Variants in OTOA observed in about 807,000 individuals in gnomAD.
The protein encoded by OTOA is otoancorin.
Under a neutral mutation model 110.8 loss-of-function variants are expected in OTOA, and 70 were observed. The observed-to-expected ratio is 0.63, with a 90% CI of 0.52 to 0.77. The LOEUF (loss-of-function observed/expected upper bound fraction) is 0.77, where lower values mean the gene tolerates loss of function less well. Among genes scored for constraint, OTOA ranks in the 30% least tolerant of loss-of-function variants. The pLI is 0.00. For missense variants in OTOA, 917 were observed against 1,075.8 expected (o/e 0.85, Z 2.06); for synonymous variants, 373 against 431.5 (o/e 0.86, Z 1.68).
Position 21,664,173 on chromosome 16 carries a change from CCCCGCCCTGCGCCACCCG to C in OTOA, c.-56_-39del, listed in dbSNP as rs1231164236. 1.3e-5 allele frequency: 2 copies of C among 152,340 alleles called. No individual in the cohort carries two copies. Among genetic ancestry groups the C allele is most frequent in the East Asian group, 3.9e-4 (2 of 5,182 alleles). 9.4% of individuals were successfully genotyped at this position (152,340 alleles called of 1,614,324 possible). ...CCCGCTCCCCGCATGAGCCCCGCGG[CCCCGCCCTGCGCCACCCG>C]CCCGCCCGTGGGACTCAGTGCGGCC... is the stretch of plus-strand genomic sequence containing the variant. On this transcript the variant is annotated 5_prime_UTR_variant, in exon 1 of 29. Coordinates refer to ENST00000646100, the MANE Select transcript of OTOA (RefSeq NM_144672.4).
At position 21,685,275 on chromosome 16, in the gene OTOA, A is replaced by T. The variant is rs1897691056; in HGVS notation, c.313A>T (p.Lys105Ter). The T allele has an allele frequency of 1.2e-6, 2 of 1,613,222 alleles. No homozygotes were observed. Among genetic ancestry groups the T allele is most frequent in the Non-Finnish European group, 1.7e-6 (2 of 1,179,418 alleles). The change falls in exon 7 of 29, where the codon AAG (lysine) becomes TAG (stop). Residue 105 changes from lysine to a stop codon, truncating the protein, a stop_gained. Coordinates refer to ENST00000646100, the MANE Select transcript of OTOA (RefSeq NM_144672.4). LOFTEE classifies it high-confidence loss of function. Reference sequence around the variant, plus strand: ...GGAGCAGCGTCTGCACCAGCCCCAGAAGCTGCTGGAGGACCTGAGGAAGAC... The same window carrying T: ...GGAGCAGCGTCTGCACCAGCCCCAGTAGCTGCTGGAGGACCTGAGGAAGAC... ...HLEQRLHQPQKLLEDLRKTDA... is the reference protein window; with the variant it reads ...HLEQRLHQPQ
At position 21,710,051 on chromosome 16, in the gene OTOA, G is replaced by A. The variant is rs1898309418; in HGVS notation, c.1268G>A (p.Trp423Ter). 2 of 1,613,908 alleles carry A rather than the reference G, an allele frequency of 1.2e-6. No individual in the cohort carries two copies. The highest frequency in any genetic ancestry group is 1.7e-6 in the Non-Finnish European group (2 of 1,179,972). The change falls in exon 13 of 29, where the codon TGG becomes TAG. Residue 423 changes from tryptophan to a stop codon, truncating the protein, a stop_gained. Coordinates refer to ENST00000646100, the MANE Select transcript of OTOA (RefSeq NM_144672.4). LOFTEE classifies it high-confidence loss of function. ...TCCACCCTCAACCAGGTCTCAGGTT[G>A]GGCCAAGAGCCAGGTCATCATCTTG... ...AISTLNQVSGWAKSQVIILSA... is the reference protein window; with the variant it reads ...AISTLNQVSG
chr16:21,709,946 G>T lies in OTOA; in HGVS notation c.1163G>T (p.Gly388Val). The change falls in exon 13 of 29, where the codon GGT becomes GTT. Residue 388 changes from glycine (G) to valine (V), a missense_variant. Gly to Val is a moderately radical substitution (Grantham distance 109, BLOSUM62 -3). Around this residue, in one of 6 missense-constraint regions of OTOA, gnomAD observed 840 missense variants for 910.2 expected, o/e 0.92. Transcript: ENST00000646100. Reference protein sequence around the residue: ...MENQTLNETLGSLSDAVVGLT... With the variant: ...MENQTLNETLVSLSDAVVGLT... ...AACCAGACCCTCAATGAGACCCTGGGTTCTTTGTCGGATGCAGTTGTAGGT... is the reference window on the plus strand; with the variant it reads ...AACCAGACCCTCAATGAGACCCTGGTTTCTTTGTCGGATGCAGTTGTAGGT... 6.2e-7 allele frequency: 1 copy of T among 1,613,992 alleles called. No homozygotes were observed. Among genetic ancestry groups the T allele is most frequent in the African/African-American group, 1.3e-5 (1 of 74,980 alleles).
intron 12 of OTOA, among the ~76,000 whole-genome samples, chr16:21,707,621 C>CTTTCTTTCTTTCTTTCT (rs1567379376): frequency 3.3e-5 from 3 of 91,840 alleles, no homozygotes; most frequent in African/African-American, 9.8e-5. Context: ...TTCTTTCTTT[C>CTTTCTTTCTTTCTTTCT]TTTCTTTCTT....
At chr16:21,668,296 G>A (rs1305174081) in intron 1 of OTOA, among the ~76,000 whole-genome samples, 1 of 152,098 alleles carries the variant, frequency 6.6e-6, no homozygotes, top group East Asian at 1.9e-4. Flanking sequence ...TTTTTATAGA[G>A]ATGGAGTCAT....
chr16:21,722,739 G>A lies in OTOA; in HGVS notation c.1807-166G>A, dbSNP rs143437529. Reference sequence around the variant, plus strand: ...TGTTCATGTTTGTTATTACCTCAGCGTTCTCATCCATAAACTGGGCACAGT... The same window carrying A: ...TGTTCATGTTTGTTATTACCTCAGCATTCTCATCCATAAACTGGGCACAGT... On this transcript the variant is annotated intron_variant, in intron 17 of 28. Coordinates refer to ENST00000646100, the MANE Select transcript of OTOA (RefSeq NM_144672.4). Among the ~76,000 whole-genome samples, 387 of 152,214 alleles carry A rather than the reference G, an allele frequency of 2.5e-3. 2 individuals carry two copies. Among genetic ancestry groups the A allele is most frequent in the African/African-American group, 8.7e-3 (361 of 41,530 alleles).
At chr16:21,667,295 C>T (rs936877872) in intron 1 of OTOA, among the ~76,000 whole-genome samples, 135 of 152,288 alleles carry the variant, frequency 8.9e-4, no homozygotes, top group African/African-American at 3.1e-3. Flanking sequence ...TGGAGGTCCC[C>T]TTGGGGGAAA....
rs574624241 is a variant in OTOA, at chr16:21,758,853, T to C, written c.3349+1576T>C. On this transcript the variant is annotated intron_variant, in intron 28 of 28. Transcript: ENST00000646100. ...CCCGTCTCTACTAAAAATACAAAAA[T>C]TAGCCGGGTGTGGTGGGGGGCACCT... is the stretch of plus-strand genomic sequence containing the variant. 1.5e-3 allele frequency among the ~76,000 whole-genome samples: 227 copies of C among 151,620 alleles called. 3 individuals are homozygous for C. Among genetic ancestry groups the C allele is most frequent in the Non-Finnish European group, 2.6e-3 (178 of 67,946 alleles).
At chr16:21,671,754 C>T (rs980555346) in intron 1 of OTOA, among the ~76,000 whole-genome samples, 2 of 151,956 alleles carry the variant, frequency 1.3e-5, no homozygotes, top group African/African-American at 4.8e-5. Flanking sequence ...TATAAATTTA[C>T]AGGCAATACA....
chr16:21,674,019 G>A (rs1966852806), intron 1 of OTOA, among the ~76,000 whole-genome samples: 1 of 151,916 alleles, frequency 6.6e-6, no homozygotes, highest in Non-Finnish European at 1.5e-5. Context: ...GGATGGTCTT[G>A]ATCTCCTGAC....
In OTOA at chr16:21,678,682, A is replaced by G; in HGVS notation, c.91+77A>G. The G allele has an allele frequency of 3.0e-6, 4 of 1,347,368 alleles. No individual in the cohort carries two copies. In the East Asian group the frequency reaches 9.2e-5, roughly 31 times the overall value. The allele number at this position is 1,347,368 out of a possible 1,614,324, so 83.5% of individuals were successfully genotyped here. On this transcript the variant is annotated intron_variant, in intron 2 of 28. Transcript: ENST00000646100. ...ATGAGGTGGGATAGATACATTAGGT[A>G]CATGATGCTGTAAGTTGTTTTTGGG... is the stretch of plus-strand genomic sequence containing the variant.
At chr16:21,735,764 T>C (rs113006427) in intron 21 of OTOA, among the ~76,000 whole-genome samples, 6 of 152,066 alleles carry the variant, frequency 3.9e-5, no homozygotes, top group African/African-American at 1.2e-4. Context: ...TGACTAATTT[T>C]TGTATTTTTA....
chr16:21,703,138 C>T (rs989337197), intron 11 of OTOA, among the ~76,000 whole-genome samples: 1 of 151,958 alleles, frequency 6.6e-6, no homozygotes, highest in East Asian at 1.9e-4. Context: ...TTAAAATCTA[C>T]TCTTAGCAAT....
rs71151648 is a variant in OTOA at position 21,695,866 on chromosome 16, GATAT to G, written c.740-1886_740-1883del. Among the ~76,000 whole-genome samples, 146 of 72,692 alleles carry G rather than the reference GATAT, an allele frequency of 2.0e-3. 6 individuals are homozygous for G. The highest frequency in any genetic ancestry group is 0.022 in the Middle Eastern group (2 of 90). 47.7% of individuals were successfully genotyped at this position (72,692 alleles called of 152,430 possible). Reference sequence around the variant, plus strand: ...ACTTGAAGTCTGATCCTAGACTTGAGATATATATATATATATATATATATATTTT... The same window carrying G: ...ACTTGAAGTCTGATCCTAGACTTGAGATATATATATATATATATATATTTT... On this transcript the variant is annotated intron_variant, in intron 9 of 28. Transcript: ENST00000646100.
chr16:21,709,154 G>A (rs1898280578), intron 12 of OTOA, among the ~76,000 whole-genome samples: 1 of 152,122 alleles, frequency 6.6e-6, no homozygotes, highest in African/African-American at 2.4e-5. Flanking sequence ...ATTTTTGGCT[G>A]GATGTGGTGG....
chr16:21,680,140 T>C (rs142271874), intron 5 of OTOA, among the ~76,000 whole-genome samples: 59 of 152,234 alleles, frequency 3.9e-4, no homozygotes, highest in African/African-American at 1.4e-3. Flanking sequence ...TGGGTACTTT[T>C]GGATATATTC....
chr16:21,732,121 A>G (rs62044234), intron 21 of OTOA, among the ~76,000 whole-genome samples: 31,049 of 151,132 alleles, frequency 0.21, 3,494 homozygotes, highest in Non-Finnish European at 0.27. Context: ...CCCTGCCACT[A>G]TGCCCAGCTA....
chr16:21,666,393 G>T lies in OTOA; in HGVS notation c.-5+2161G>T. Among the ~76,000 whole-genome samples the T allele has an allele frequency of 1.3e-5, 2 of 152,006 alleles. 1 individual carries two copies. The highest frequency in any genetic ancestry group is 4.8e-5 in the African/African-American group (2 of 41,364). ...ATTAATGGTTTGTGTCTGGGCTGGG[G>T]TGTCCCAGCAGGAGGGGAACCTCCT... On this transcript the variant is annotated intron_variant, in intron 1 of 28. Coordinates refer to ENST00000646100, the MANE Select transcript of OTOA (RefSeq NM_144672.4).
At chr16:21,675,344 A>C (rs1490655416) in intron 1 of OTOA, among the ~76,000 whole-genome samples, 5 of 94,064 alleles carry the variant, frequency 5.3e-5, no homozygotes, top group Non-Finnish European at 9.5e-5. Flanking sequence ...TTTTATAGAG[A>C]TGGGGCTTCA....
Sources: gnomAD v4.1 joint callset for allele counts (sites outside exome capture counted in the v4.1 genomes callset) on GRCh38, gnomAD v4.1.1 for gene constraint, gnomAD v4.1.1 regional missense constraint, MANE v1.5 for transcripts, NCBI Gene and HGNC (gene_info 2026-07-23, HGNC 2026-07-21) for gene names.